The following LGALS3 variants were observed in gnomAD, a reference collection of about 807,000 sequenced individuals.
LGALS3 encodes galectin-3.
A neutral mutation model predicts 20.7 loss-of-function variants in LGALS3; 18 were observed. The ratio of observed to expected loss-of-function variants is 0.87; its 90% CI spans 0.60 to 1.29. The LOEUF (loss-of-function observed/expected upper bound fraction) is 1.29. Among genes scored for constraint, LGALS3 ranks in the 50% most tolerant of loss-of-function variants. The pLI is 0.00. For missense variants in LGALS3, 315 were observed against 314.7 expected, an observed-to-expected ratio of 1.00 and a Z score of -0.01; for synonymous variants, 112 against 119.6, an observed-to-expected ratio of 0.94 and a Z score of 0.42.
In LGALS3 at chr14:55,140,269, TC is replaced by T; in HGVS notation, c.343-3del. Reference sequence around the variant, plus strand: ...TATTGACACATATGTACTTGTTAATTCCCAGATTGTGCCTTATAACCTGCCT... The same window carrying T: ...TATTGACACATATGTACTTGTTAATTCCAGATTGTGCCTTATAACCTGCCT... On this transcript the variant is annotated splice_region_variant and splice_polypyrimidine_tract_variant and intron_variant, in intron 3 of 5. Coordinates refer to ENST00000254301, the MANE Select transcript of LGALS3 (RefSeq NM_002306.4). 2 of 1,599,864 alleles carry T rather than the reference TC, an allele frequency of 1.3e-6. No homozygotes were observed. The highest frequency in any genetic ancestry group is 1.7e-6 in the Non-Finnish European group (2 of 1,167,604).
intron 1 of LGALS3, among the ~76,000 whole-genome samples, chr14:55,133,722 G>A (rs1329134067): frequency 2.6e-5 from 4 of 152,274 alleles, no homozygotes; most frequent in African/African-American, 7.2e-5. Flanking sequence ...GAAATGCAAC[G>A]AGATCTGCTT....
intron 4 of LGALS3, 25 bp from the exon 5 acceptor site, chr14:55,142,559 A>G (rs1363844613): frequency 1.3e-6 from 2 of 1,593,406 alleles, no homozygotes; most frequent in Non-Finnish European, 1.7e-6. Flanking sequence ...AATCATTTTA[A>G]TAACTGGTCT....
At chr14:55,140,711 A>G (rs1233907148) in intron 4 of LGALS3, among the ~76,000 whole-genome samples, 2 of 152,208 alleles carry the variant, frequency 1.3e-5, no homozygotes, top group Admixed American at 6.5e-5. Flanking sequence ...TTCAGGTTCT[A>G]CAGATGATCA....
At chr14:55,135,336 G>A (rs1023945872) in intron 1 of LGALS3, among the ~76,000 whole-genome samples, 1 of 152,040 alleles carries the variant, frequency 6.6e-6, no homozygotes, top group African/African-American at 2.4e-5. Flanking sequence ...AATGCTCACT[G>A]GAGATTTTGG....
chr14:55,135,558 T>TGG (rs202132153), intron 1 of LGALS3, among the ~76,000 whole-genome samples: 1 of 131,104 alleles, frequency 7.6e-6, no homozygotes, highest in African/African-American at 2.8e-5. Flanking sequence ...TAATATTTTA[T>TGG]GGTTTTTTTT....
chr14:55,132,617 G>A (rs1261163545), intron 1 of LGALS3, among the ~76,000 whole-genome samples: 1 of 152,018 alleles, frequency 6.6e-6, no homozygotes, highest in Non-Finnish European at 1.5e-5. Context: ...TCCCAGGCTG[G>A]AGTGCAGTGG....
At chr14:55,140,216 G>GT (rs1286322636) in intron 3 of LGALS3, 59 bp from the exon 4 acceptor site, 1 of 1,123,408 alleles carries the variant, frequency 8.9e-7, no homozygotes, top group African/African-American at 1.5e-5. Context: ...TAGCAACATC[G>GT]TTTTTTCCCC....
chr14:55,137,748 A>G, intron 2 of LGALS3: 1 of 1,336,996 alleles, frequency 7.5e-7, no homozygotes. Flanking sequence ...GTGATGAAAA[A>G]GTATGTGCTA....
intron 1 of LGALS3, among the ~76,000 whole-genome samples, chr14:55,130,355 T>C (rs1038767849): frequency 6.6e-6 from 1 of 152,166 alleles, no homozygotes. Flanking sequence ...GGAATGTTTG[T>C]AAAGTGACTC....
Position 55,145,148 on chromosome 14 carries a change from G to C in LGALS3, c.630G>C (p.Lys210Asn), listed in dbSNP as rs992102879. ...IQVLVEPDHF[K>N]VAVNDAHLLQ... ...TACTGGTTGAACCTGACCACTTCAAGGTTGCAGTGAATGATGCTCACTTGT... is the reference window on the plus strand; with the variant it reads ...TACTGGTTGAACCTGACCACTTCAACGTTGCAGTGAATGATGCTCACTTGT... Residue 210 changes from lysine (K) to asparagine (N), a missense_variant, in exon 6 of 6, where the codon AAG (lysine) becomes AAC (asparagine). Transcript: ENST00000254301. The C allele has an allele frequency of 1.2e-6, 2 of 1,613,844 alleles. No individual in the cohort carries two copies. The highest frequency in any genetic ancestry group is 2.7e-5 in the African/African-American group (2 of 74,902).
chr14:55,137,540 A>T (rs1881444111), intron 2 of LGALS3, 149 bp downstream of exon 2: 1 of 1,566,970 alleles, frequency 6.4e-7, no homozygotes, highest in Middle Eastern at 1.7e-4. Context: ...TGCAAGCTGG[A>T]GCCTTGTTTT....
At chr14:55,134,237 T>C (rs966257389) in intron 1 of LGALS3, among the ~76,000 whole-genome samples, 1 of 152,070 alleles carries the variant, frequency 6.6e-6, no homozygotes, top group African/African-American at 2.4e-5. Flanking sequence ...AGTTGGAGTG[T>C]GGTATGCTGG....
Position 55,137,061 on chromosome 14 carries a change from A to T in LGALS3, c.-4-309A>T. On this transcript the variant is annotated intron_variant, in intron 1 of 5. Transcript: ENST00000254301. ...GTCTTTCCTGTCTCAGTAGTAATCA[A>T]TCACTGCTTATCTTCAAAAACCCAG... 5 of 479,304 alleles carry T rather than the reference A, an allele frequency of 1.0e-5. No homozygotes were observed. The South Asian group carries it at 1.2e-4, about 11-fold the overall frequency. The allele number at this position is 479,304 out of a possible 1,614,324, so 29.7% of individuals were successfully genotyped here. A position where few individuals can be genotyped will look rare whatever the true frequency, so the allele number is the denominator to read the frequency against.
intron 1 of LGALS3, among the ~76,000 whole-genome samples, chr14:55,135,560 G>GTTTTTTTT (rs762172869): frequency 8.4e-5 from 9 of 106,558 alleles, no homozygotes; most frequent in South Asian, 3.1e-4. Context: ...ATATTTTATG[G>GTTTTTTTT]TTTTTTTTTT....
intron 1 of LGALS3, among the ~76,000 whole-genome samples, chr14:55,133,597 A>C (rs1248955415): frequency 6.6e-6 from 1 of 152,134 alleles, no homozygotes; most frequent in Non-Finnish European, 1.5e-5. Flanking sequence ...AAGGTATGTG[A>C]ACATGCTTCA....
rs1881164178 is a variant in LGALS3, at chr14:55,129,505, T to A, written c.-5+205T>A. Among the ~76,000 whole-genome samples, 1 of 151,976 alleles carries A rather than the reference T, an allele frequency of 6.6e-6. No individual in the cohort carries two copies. Among genetic ancestry groups the A allele is most frequent in the South Asian group, 2.1e-4 (1 of 4,828 alleles). On this transcript the variant is annotated intron_variant, in intron 1 of 5. Coordinates refer to ENST00000254301, the MANE Select transcript of LGALS3 (RefSeq NM_002306.4). This position sits in a 1 kb window ranked among gnomAD's most constrained non-coding sequence, Gnocchi z 5.3. The stretch of plus-strand genomic sequence containing the variant: ...GGCCCGGGGCAGTCGCCTTTGATTA[T>A]CGAGGGCGCTGGCGTTCGGGGAAGG...
rs1881789223 is a variant in LGALS3, at chr14:55,145,422, A to G, written c.*151A>G. 2 of 1,402,662 alleles carry G rather than the reference A, an allele frequency of 1.4e-6. No homozygotes were observed. Among genetic ancestry groups the G allele is most frequent in the Non-Finnish European group, 1.9e-6 (2 of 1,030,838 alleles). The allele number at this position is 1,402,662 out of a possible 1,614,324, so 86.9% of individuals were successfully genotyped here. Reference sequence around the variant, plus strand: ...AATATTACAGTGAATTACCTGTCTCAATATGTCATTTAATTGGAGTGGTTT... The same window carrying G: ...AATATTACAGTGAATTACCTGTCTCGATATGTCATTTAATTGGAGTGGTTT... On this transcript the variant is annotated 3_prime_UTR_variant, in exon 6 of 6. Transcript: ENST00000254301.
At chr14:55,140,240 T>TC in intron 3 of LGALS3, 35 bp from the exon 4 acceptor site, 2 of 1,353,680 alleles carry the variant, frequency 1.5e-6, no homozygotes, top group South Asian at 2.4e-5. Context: ...GAAACATGAC[T>TC]CCTTATTGAC....
At chr14:55,143,383 T>A in intron 5 of LGALS3, 1 of 344,020 alleles carries the variant, frequency 2.9e-6, no homozygotes, top group Non-Finnish European at 5.6e-6. Context: ...AGTCTACATT[T>A]GGTGGATATC....
Sources: allele counts gnomAD v4.1 joint callset (sites outside exome capture counted in the v4.1 genomes callset), GRCh38; gene constraint gnomAD v4.1.1; non-coding constraint Gnocchi (gnomAD v3.1); transcripts MANE v1.5; gene names NCBI Gene and HGNC (gene_info 2026-07-23, HGNC 2026-07-21).